IFRD1: variants seen among roughly 807,000 people sequenced by gnomAD.
IFRD1 encodes interferon-related developmental regulator 1.
A neutral mutation model predicts 52.9 loss-of-function variants in IFRD1; 35 were observed. The ratio of observed to expected loss-of-function variants is 0.66; its 90% CI spans 0.51 to 0.88. IFRD1 has a LOEUF of 0.88. Ranked by LOEUF, IFRD1 falls within the 40% of genes least tolerant of loss-of-function variation. IFRD1 has a pLI of 0.00. For synonymous variants in IFRD1, 184 were observed against 188.4 expected (o/e 0.98, Z 0.19); for missense variants, 517 against 550.8 (o/e 0.94, Z 0.61).
chr7:112,461,785 T>A (rs1232200865), intron 5 of IFRD1, 81 bp from the exon 6 acceptor site: 2 of 784,758 alleles, frequency 2.5e-6, no homozygotes, highest in Non-Finnish European at 4.0e-6. Flanking sequence ...CATTTTCACG[T>A]TGAATTATAA....
At chr7:112,442,171 G>C (rs982035379) in intron 1 of IFRD1, among the ~76,000 whole-genome samples, 1 of 152,126 alleles carries the variant, frequency 6.6e-6, no homozygotes, top group Non-Finnish European at 1.5e-5. Flanking sequence ...CCTCCAATAA[G>C]ATTTTTAGGA....
chr7:112,472,269 T>C lies in IFRD1; in HGVS notation c.1092T>C (p.Tyr364=), dbSNP rs1387324782. Residue 364 remains tyrosine, a synonymous_variant, in exon 10 of 12, where the codon TAT becomes TAC. Coordinates refer to ENST00000403825, the MANE Select transcript of IFRD1 (RefSeq NM_001550.4). ...TTAAATTTGGTCCTGAACGCATGTA[T>C]ATTGATTGCTGGGTAAAAAAACACA... ...ETIKFGPERM[Y]IDCWVKKHTY... is the part of the protein sequence containing the mutation. 2.5e-6 allele frequency: 4 copies of C among 1,614,030 alleles called. No individual in the cohort carries two copies. The highest frequency in any genetic ancestry group is 3.3e-5 in the Admixed American group (2 of 60,018).
chr7:112,445,014 A>ACCAAAG (rs934211015), intron 1 of IFRD1, among the ~76,000 whole-genome samples: 1 of 150,940 alleles, frequency 6.6e-6, no homozygotes, highest in Non-Finnish European at 1.5e-5. Flanking sequence ...TTCCCATATG[A>ACCAAAG]CCAAAGCCAG....
chr7:112,445,878 T>G (rs1015348277), upstream of IFRD1, among the ~76,000 whole-genome samples: 1 of 151,670 alleles, frequency 6.6e-6, no homozygotes, highest in African/African-American at 2.4e-5. Flanking sequence ...AGACAAGTAA[T>G]CAAGAACTAC....
intron 1 of IFRD1, among the ~76,000 whole-genome samples, chr7:112,429,669 G>A (rs2117224042): frequency 6.6e-6 from 1 of 152,268 alleles, no homozygotes; most frequent in Non-Finnish European, 1.5e-5. Flanking sequence ...TTCTCACTCA[G>A]ACACACTAAA....
intron 8 of IFRD1, among the ~76,000 whole-genome samples, chr7:112,463,833 C>CGT (rs1795528368): frequency 6.8e-6 from 1 of 146,552 alleles, no homozygotes; most frequent in African/African-American, 2.5e-5. Flanking sequence ...TATACATATA[C>CGT]ATATATATAC....
intron 1 of IFRD1, among the ~76,000 whole-genome samples, chr7:112,430,096 C>T (rs1794516161): frequency 6.6e-6 from 1 of 152,146 alleles, no homozygotes; most frequent in Non-Finnish European, 1.5e-5. Flanking sequence ...GGCTTCTTCT[C>T]TTGGATAAAA....
chr7:112,463,376 G>A (rs1354871556), intron 8 of IFRD1, among the ~76,000 whole-genome samples: 1 of 152,092 alleles, frequency 6.6e-6, no homozygotes, highest in Non-Finnish European at 1.5e-5. Context: ...TTCCAAACAG[G>A]ATTAATACAG....
chr7:112,475,090 C>CT (rs1795864378), intron 11 of IFRD1, among the ~76,000 whole-genome samples: 4 of 152,148 alleles, frequency 2.6e-5, no homozygotes, highest in Non-Finnish European at 5.9e-5. Flanking sequence ...TCCCGAGTAG[C>CT]TGGGACTACA....
intron 8 of IFRD1, 116 bp from the exon 9 acceptor site, chr7:112,467,865 T>C: frequency 1.0e-6 from 1 of 986,212 alleles, no homozygotes; most frequent in South Asian, 1.4e-5. Context: ...CATGAAGATT[T>C]ACATTGCCTT....
intron 1 of IFRD1, among the ~76,000 whole-genome samples, chr7:112,432,698 G>A (rs967471738): frequency 6.6e-6 from 1 of 152,186 alleles, no homozygotes; most frequent in Non-Finnish European, 1.5e-5. Context: ...CCTGGCTTCA[G>A]AGCCCATGCT....
chr7:112,471,906 A>G (rs776762424), intron 9 of IFRD1, among the ~76,000 whole-genome samples: 5 of 152,084 alleles, frequency 3.3e-5, no homozygotes, highest in African/African-American at 4.8e-5. Context: ...ATCCTAGGCC[A>G]TTAAAAACAC....
intron 1 of IFRD1, among the ~76,000 whole-genome samples, chr7:112,443,705 T>C (rs1349286980): frequency 1.3e-5 from 2 of 151,602 alleles, no homozygotes; most frequent in Admixed American, 1.3e-4. Context: ...CCGTCTTTAC[T>C]AAAAATACAT....
chr7:112,468,283 A>C (rs1193666859), intron 9 of IFRD1, among the ~76,000 whole-genome samples, 168 bp downstream of exon 9: 1 of 140,126 alleles, frequency 7.1e-6, no homozygotes, highest in East Asian at 1.9e-4. Flanking sequence ...TTTTTTTTTC[A>C]AAACAAAAGA....
At chr7:112,468,566 C>T (rs1795673941) in intron 9 of IFRD1, among the ~76,000 whole-genome samples, 1 of 152,192 alleles carries the variant, frequency 6.6e-6, no homozygotes, top group South Asian at 2.1e-4. Context: ...GTGGCACGAT[C>T]TTGGCTCACT....
rs2117310704 is a variant in IFRD1 at position 112,462,073 on chromosome 7, G to C, written c.691G>C (p.Val231Leu). 1.2e-6 allele frequency: 2 copies of C among 1,613,324 alleles called. No individual in the cohort carries two copies. The highest frequency in any genetic ancestry group is 1.7e-5 in the Admixed American group (1 of 59,952). The change falls in exon 7 of 12, where the codon GTT (valine) becomes CTT (leucine). Residue 231 changes from valine to leucine, a missense_variant. Val to Leu is a conservative substitution (Grantham distance 32, BLOSUM62 1). Coordinates refer to ENST00000403825, the MANE Select transcript of IFRD1 (RefSeq NM_001550.4). ...CTATCTCAAAGAGAAAGACACTACT[G>C]TTATTTGCAGCACTCCTAATACAGT... ...KSYLKEKDTTVICSTPNTVLH... is the reference protein window; with the variant it reads ...KSYLKEKDTTLICSTPNTVLH...
chr7:112,446,230 G>C (rs1395381407), upstream of IFRD1: 1 of 199,504 alleles, frequency 5.0e-6, no homozygotes, highest in Non-Finnish European at 1.1e-5. Context: ...AAAGTGGCTG[G>C]CCATAAACGC....
At position 112,475,823 on chromosome 7, in the gene IFRD1, T is replaced by C. The variant is rs1236750488; in HGVS notation, c.*304T>C. 1.3e-5 allele frequency: 4 copies of C among 309,872 alleles called. No homozygotes were observed. 19.2% of individuals were successfully genotyped at this position (309,872 alleles called of 1,614,324 possible). ...TTAGCCAAAGTTTAATTTCTTACAC[T>C]GTGGTTGTCAAGAATACTGATTTAC... On this transcript the variant is annotated 3_prime_UTR_variant, in exon 12 of 12. Transcript: ENST00000403825.
chr7:112,458,844 C>G lies in IFRD1; in HGVS notation c.410-17C>G. ...ACTGAAAAGACTATCGTGATTGCAT[C>G]TTGGCTGCTTTTATAGGTAAGAGTG... On this transcript the variant is annotated splice_polypyrimidine_tract_variant and intron_variant, in intron 4 of 11. Coordinates refer to ENST00000403825, the MANE Select transcript of IFRD1 (RefSeq NM_001550.4). 1.1e-5 allele frequency: 17 copies of G among 1,612,822 alleles called. No individual in the cohort carries two copies. The highest frequency in any genetic ancestry group is 1.4e-5 in the Non-Finnish European group (17 of 1,178,906).
Sources: gnomAD v4.1 joint callset for allele counts (sites outside exome capture counted in the v4.1 genomes callset) on GRCh38, gnomAD v4.1.1 for gene constraint, MANE v1.5 for transcripts, NCBI Gene and HGNC (gene_info 2026-07-23, HGNC 2026-07-21) for gene names.